The following PCDHA9 variants were observed in gnomAD, a reference collection of about 807,000 sequenced individuals.
PCDHA9 encodes the protein protocadherin alpha-9.
A neutral mutation model predicts 62.0 loss-of-function variants in PCDHA9; 62 were observed. The observed-to-expected ratio is 1.00, with a 90% CI of 0.81 to 1.23. The LOEUF (loss-of-function observed/expected upper bound fraction) is 1.23, where lower values mean the gene tolerates loss of function less well. Ranked by LOEUF, PCDHA9 falls within the 50% of genes most tolerant of loss-of-function variation. PCDHA9 has a pLI of 0.00. For synonymous variants in PCDHA9, 557 were observed against 567.6 expected, an observed-to-expected ratio of 0.98 and a Z score of 0.27; for missense variants, 1,205 against 1,249.8, an observed-to-expected ratio of 0.96 and a Z score of 0.54.
At chr5:140,979,384 G>A (rs1243693033) in intron 2 of PCDHA9, among the ~76,000 whole-genome samples, 3 of 151,896 alleles carry the variant, frequency 2.0e-5, no homozygotes, top group African/African-American at 7.3e-5. Context: ...ATTGTGCAAT[G>A]TATACATACA....
At chr5:140,852,355 G>A in intron 1 of PCDHA9, 1 of 208,524 alleles carries the variant, frequency 4.8e-6, no homozygotes, top group Non-Finnish European at 9.3e-6. Context: ...TTGGCTCACT[G>A]CAACGTCTGC....
Position 140,849,973 on chromosome 5 carries a change from C to A in PCDHA9, c.1478C>A (p.Ser493Ter). The change falls in exon 1 of 4, where the codon TCG (serine) becomes TAG (stop). Residue 493 changes from serine to a stop codon, truncating the protein, a stop_gained. Coordinates refer to ENST00000532602, the MANE Select transcript of PCDHA9 (RefSeq NM_031857.2). LOFTEE classifies it high-confidence loss of function. ...CAGGAGAACGCCCTGGTGTCCTACT[C>A]GCTGGTGGAGCGGCGGTTGGGCGAG... Reference protein sequence around the residue: ...DAQENALVSYSLVERRLGERS... With the variant: ...DAQENALVSY The A allele has an allele frequency of 6.3e-7, 1 of 1,597,728 alleles. No individual in the cohort carries two copies. Among genetic ancestry groups the A allele is most frequent in the Non-Finnish European group, 8.6e-7 (1 of 1,167,892 alleles).
chr5:140,989,004 CTTA>C (rs1445940440), intron 3 of PCDHA9: 15 of 152,184 alleles, frequency 9.9e-5, no homozygotes, highest in African/African-American at 3.4e-4. Context: ...GAAATAGAGA[CTTA>C]TTATAGTTTC....
chr5:140,955,951 T>C (rs529805581), intron 1 of PCDHA9, among the ~76,000 whole-genome samples: 12 of 152,248 alleles, frequency 7.9e-5, no homozygotes, highest in South Asian at 2.1e-4. Context: ...GTCTACTTGC[T>C]TGTTGTTTGT....
At chr5:140,960,551 G>T (rs2095555454) in intron 1 of PCDHA9, among the ~76,000 whole-genome samples, 1 of 152,102 alleles carries the variant, frequency 6.6e-6, no homozygotes, top group Admixed American at 6.5e-5. Flanking sequence ...CCTTCATATA[G>T]ACTGAGCTTA....
intron 1 of PCDHA9, chr5:140,883,811 G>C (rs782535066): frequency 6.2e-7 from 1 of 1,612,586 alleles, no homozygotes; most frequent in South Asian, 1.1e-5. Context: ...CGCGGAGAGC[G>C]GCAAGGTGTA....
At chr5:140,865,903 A>G (rs2049042220) in intron 1 of PCDHA9, 1 of 152,134 alleles carries the variant, frequency 6.6e-6, no homozygotes, top group Non-Finnish European at 1.5e-5. Flanking sequence ...GTACAGGCAA[A>G]TCTTTCTTTC....
At chr5:140,867,166 G>T (rs773226125) in intron 1 of PCDHA9, 1 of 152,006 alleles carries the variant, frequency 6.6e-6, no homozygotes, top group Non-Finnish European at 1.5e-5. Context: ...ACCTTCTAAG[G>T]TTCATTTCCC....
At chr5:140,953,118 A>G (rs2094850559) in intron 1 of PCDHA9, among the ~76,000 whole-genome samples, 1 of 152,162 alleles carries the variant, frequency 6.6e-6, no homozygotes, top group Non-Finnish European at 1.5e-5. Context: ...AGGGACACAG[A>G]TCTAAACCGT....
intron 1 of PCDHA9, among the ~76,000 whole-genome samples, chr5:140,959,620 G>GA (rs1247214459): frequency 4.6e-5 from 7 of 151,966 alleles, no homozygotes; most frequent in African/African-American, 1.4e-4. Context: ...GCTTGTGATA[G>GA]AAAAAAAGAG....
At chr5:140,871,376 G>GCT (rs782235924) in intron 1 of PCDHA9, 26 of 1,614,078 alleles carry the variant, frequency 1.6e-5, no homozygotes, top group South Asian at 1.4e-4. Flanking sequence ...CAGAGGGTGT[G>GCT]CTCTGAGGAG....
intron 1 of PCDHA9, among the ~76,000 whole-genome samples, chr5:140,956,370 A>G (rs1229960310): frequency 6.6e-6 from 1 of 152,152 alleles, no homozygotes; most frequent in East Asian, 1.9e-4. Context: ...GGGATGTTGA[A>G]TTTTATCGAA....
chr5:140,973,923 C>T (rs1157032594), intron 1 of PCDHA9, among the ~76,000 whole-genome samples: 1 of 152,170 alleles, frequency 6.6e-6, no homozygotes, highest in African/African-American at 2.4e-5. Flanking sequence ...TCACCAAACC[C>T]AGAGGTTTAG....
chr5:140,877,015 G>T lies in PCDHA9; in HGVS notation c.2394+26126G>T, dbSNP rs371309003. The T allele has an allele frequency of 1.6e-5, 26 of 1,612,358 alleles. No individual in the cohort carries two copies. Among genetic ancestry groups the T allele is most frequent in the African/African-American group, 4.0e-5 (3 of 74,900 alleles). On this transcript the variant is annotated intron_variant, in intron 1 of 3. Transcript: ENST00000532602. The stretch of plus-strand genomic sequence containing the variant: ...CTACGTGTCGGTGCACGCGGAGAGC[G>T]GCAAGGTGTACGCGCTGCAGCCGCT...
intron 1 of PCDHA9, chr5:140,871,327 C>A: frequency 6.2e-7 from 1 of 1,614,102 alleles, no homozygotes; most frequent in Non-Finnish European, 8.5e-7. Flanking sequence ...GGTGTGCTCC[C>A]GCGCGGTGGG....
At chr5:140,972,228 C>G (rs1295473743) in intron 1 of PCDHA9, among the ~76,000 whole-genome samples, 1 of 151,964 alleles carries the variant, frequency 6.6e-6, no homozygotes, top group Admixed American at 6.5e-5. Flanking sequence ...CAGCCTCGAC[C>G]TTCTGGGCTC....
chr5:140,881,491 C>A (rs1476916826), intron 1 of PCDHA9: 2 of 285,934 alleles, frequency 7.0e-6, no homozygotes, highest in Non-Finnish European at 1.1e-5. Flanking sequence ...TGTGTTTATG[C>A]ACATACACAC....
chr5:140,858,415 T>C lies in PCDHA9; in HGVS notation c.2394+7526T>C. Reference sequence around the variant, plus strand: ...ATGTGGACGGGGAAGATCAGTCTATTGGAGGGGACCACTCTAGGAAGGTGG... The same window carrying C: ...ATGTGGACGGGGAAGATCAGTCTATCGGAGGGGACCACTCTAGGAAGGTGG... On this transcript the variant is annotated intron_variant, in intron 1 of 3. Transcript: ENST00000532602. 1.9e-6 allele frequency: 3 copies of C among 1,561,830 alleles called. 1 individual carries two copies. The highest frequency in any genetic ancestry group is 2.6e-6 in the Non-Finnish European group (3 of 1,145,536).
chr5:140,967,451 G>A, intron 1 of PCDHA9: 2 of 1,613,628 alleles, frequency 1.2e-6, no homozygotes, highest in South Asian at 2.2e-5. Flanking sequence ...GGTTCTCACA[G>A]CCGTGGATGG....
Sources: allele counts gnomAD v4.1 joint callset (sites outside exome capture counted in the v4.1 genomes callset), GRCh38; gene constraint gnomAD v4.1.1; transcripts MANE v1.5; gene names NCBI Gene and HGNC (gene_info 2026-07-23, HGNC 2026-07-21).